The following ARHGAP5 variants were observed in gnomAD, a reference collection of about 807,000 sequenced individuals.
ARHGAP5 encodes the protein rho GTPase-activating protein 5.
In ARHGAP5, 23 loss-of-function variants were observed where a neutral mutation model predicts 116.6. The ratio of observed to expected loss-of-function variants is 0.20; its 90% CI spans 0.14 to 0.28. The LOEUF is 0.28. Among genes scored for constraint, ARHGAP5 ranks in the 10% least tolerant of loss-of-function variants. The probability of loss-of-function intolerance (pLI) is 1.00; values close to 1 mark genes in which losing one functional copy is unlikely to be tolerated. For synonymous variants in ARHGAP5, 574 were observed against 602.0 expected, an observed-to-expected ratio of 0.95 and a Z score of 0.68; for missense variants, 1,405 against 1,774.8, an observed-to-expected ratio of 0.79 and a Z score of 3.74.
At chr14:32,116,148 G>A (rs1043338261) in intron 2 of ARHGAP5, among the ~76,000 whole-genome samples, 8 of 151,144 alleles carry the variant, frequency 5.3e-5, no homozygotes, top group East Asian at 2.0e-4. Flanking sequence ...TTAGCTGGGC[G>A]TGGTGGCGGG....
At chr14:32,145,756 T>C (rs1008056198) in intron 3 of ARHGAP5, among the ~76,000 whole-genome samples, 1 of 152,174 alleles carries the variant, frequency 6.6e-6, no homozygotes, top group Admixed American at 6.5e-5. Context: ...AATAAGTCTA[T>C]TCATTTTGTC....
At chr14:32,124,422 T>C (rs540427483) in intron 3 of ARHGAP5, among the ~76,000 whole-genome samples, 65 of 152,296 alleles carry the variant, frequency 4.3e-4, no homozygotes, top group African/African-American at 1.5e-3. Context: ...TAAGTTGTGC[T>C]AGGTTCCAGT....
intron 5 of ARHGAP5, among the ~76,000 whole-genome samples, chr14:32,150,436 A>G (rs980211857): frequency 6.6e-6 from 1 of 152,224 alleles, no homozygotes; most frequent in African/African-American, 2.4e-5. Context: ...TGCATAATTT[A>G]TAAAGTAATT....
chr14:32,116,524 C>T (rs1879604966), intron 2 of ARHGAP5, among the ~76,000 whole-genome samples: 1 of 151,958 alleles, frequency 6.6e-6, no homozygotes, highest in African/African-American at 2.4e-5. Flanking sequence ...ACCCGGGAGG[C>T]GGAGCTTGCA....
intron 2 of ARHGAP5, among the ~76,000 whole-genome samples, chr14:32,116,116 G>A (rs1173832689): frequency 2.1e-5 from 3 of 144,564 alleles, no homozygotes; most frequent in Admixed American, 7.0e-5. Flanking sequence ...TGAAACCCCC[G>A]TCTCTACTAA....
chr14:32,093,431 T>C lies in ARHGAP5; in HGVS notation c.2762T>C (p.Leu921Ser). 1 of 1,613,918 alleles carries C rather than the reference T, an allele frequency of 6.2e-7. No individual in the cohort carries two copies. The highest frequency in any genetic ancestry group is 1.7e-4 in the Middle Eastern group (1 of 6,060). ...GCTAAATTTACAGCACTGTATTCTT[T>C]ATCTCAGTATCATCGGCAAACTGAG... ...ITAKFTALYS[L>S]SQYHRQTEVF... Residue 921 changes from leucine (L) to serine (S), a missense_variant, in exon 2 of 7, where the codon TTA becomes TCA. By Grantham distance (145) the Leu-to-Ser change is moderately radical. Transcript: ENST00000345122.
chr14:32,128,104 C>G (rs1402039499), intron 3 of ARHGAP5, among the ~76,000 whole-genome samples: 1 of 151,024 alleles, frequency 6.6e-6, no homozygotes, highest in Non-Finnish European at 1.5e-5. Context: ...GGCAGAGTCG[C>G]TCCCCACATC....
Position 32,155,219 on chromosome 14 carries a change from ATCAT to A in ARHGAP5, c.*274_*277del, listed in dbSNP as rs1471507642. 5 of 303,240 alleles carry A rather than the reference ATCAT, an allele frequency of 1.6e-5. No homozygotes were observed. The highest frequency in any genetic ancestry group is 3.1e-5 in the Non-Finnish European group (5 of 163,600). The allele number at this position is 303,240 out of a possible 1,614,324, so 18.8% of individuals were successfully genotyped here. A position where few individuals can be genotyped will look rare whatever the true frequency, so the allele number is the denominator to read the frequency against. ...CATGCAACCTTATTGCAATCAGTAT[ATCAT>A]TCCTGTGGCAATTTCTGTCACCTTA... On this transcript the variant is annotated 3_prime_UTR_variant, in exon 7 of 7. Transcript: ENST00000345122.
chr14:32,104,487 A>G (rs1402762774), intron 2 of ARHGAP5, among the ~76,000 whole-genome samples: 3 of 152,088 alleles, frequency 2.0e-5, no homozygotes, highest in Non-Finnish European at 2.9e-5. Context: ...AGTCTTCACA[A>G]TGTAAGTTTT....
In ARHGAP5 at chr14:32,079,163, T is replaced by C. The variant is rs531576935; in HGVS notation, c.-169+1728T>C. On this transcript the variant is annotated intron_variant, in intron 1 of 6. Coordinates refer to ENST00000345122, the MANE Select transcript of ARHGAP5 (RefSeq NM_001030055.2). Reference sequence around the variant, plus strand: ...AACTTTCAAGAAATAGCACTATTGATCTAATTGACTTAAAGCAGAATCAGA... The same window carrying C: ...AACTTTCAAGAAATAGCACTATTGACCTAATTGACTTAAAGCAGAATCAGA... Among the ~76,000 whole-genome samples the C allele has an allele frequency of 8.6e-4, 131 of 152,348 alleles. 1 individual carries two copies. The highest frequency in any genetic ancestry group is 3.0e-3 in the African/African-American group (125 of 41,582).
At chr14:32,110,952 G>A (rs1414940430) in intron 2 of ARHGAP5, among the ~76,000 whole-genome samples, 4 of 152,190 alleles carry the variant, frequency 2.6e-5, no homozygotes, top group Non-Finnish European at 5.9e-5. Context: ...TACATTTTAA[G>A]GAAAGCATGA....
chr14:32,146,435 T>A, intron 4 of ARHGAP5, 95 bp downstream of exon 4: 1 of 883,596 alleles, frequency 1.1e-6, no homozygotes, highest in Non-Finnish European at 1.8e-6. Context: ...GAAAACTTCC[T>A]AAGGATATGG....
At position 32,156,612 on chromosome 14, in the gene ARHGAP5, TAAGA is replaced by T. The variant is rs1244698638; in HGVS notation, c.*1668_*1671del. The T allele has an allele frequency of 6.6e-6, 1 of 152,314 alleles. No individual in the cohort carries two copies. The highest frequency in any genetic ancestry group is 2.4e-5 in the African/African-American group (1 of 41,436). 9.4% of individuals were successfully genotyped at this position (152,314 alleles called of 1,614,324 possible). Reference sequence around the variant, plus strand: ...TTCCTATTGCAAAGCACACAGGAATTAAGAAAGTACAGTAATTTTTAAAAAAAAA... The same window carrying T: ...TTCCTATTGCAAAGCACACAGGAATTAAGTACAGTAATTTTTAAAAAAAAA... On this transcript the variant is annotated 3_prime_UTR_variant, in exon 7 of 7. Transcript: ENST00000345122.
At chr14:32,112,064 G>A (rs908091188) in intron 2 of ARHGAP5, among the ~76,000 whole-genome samples, 2 of 151,904 alleles carry the variant, frequency 1.3e-5, no homozygotes, top group African/African-American at 4.8e-5. Flanking sequence ...CGATCCGCCC[G>A]TTTCGGCCTC....
intron 6 of ARHGAP5, 77 bp downstream of exon 6, chr14:32,152,605 A>G (rs1024424622): frequency 7.7e-6 from 6 of 782,230 alleles, no homozygotes; most frequent in Non-Finnish European, 8.1e-6. Context: ...TATAAATTGG[A>G]TAATTATCAG....
intron 4 of ARHGAP5, among the ~76,000 whole-genome samples, chr14:32,147,358 A>G (rs1030529090): frequency 6.6e-6 from 1 of 152,246 alleles, no homozygotes; most frequent in Non-Finnish European, 1.5e-5. Context: ...ACCTAGCTTA[A>G]GTAATTCACA....
chr14:32,118,299 C>T (rs1429703581), intron 3 of ARHGAP5, among the ~76,000 whole-genome samples: 1 of 151,988 alleles, frequency 6.6e-6, no homozygotes, highest in Non-Finnish European at 1.5e-5. Flanking sequence ...GAGATCAAGA[C>T]CATCCTGGCC....
In ARHGAP5 at chr14:32,136,900, T is replaced by A. The variant is rs180954509; in HGVS notation, c.3866-9363T>A. ...CATTTGTGTACCTTCTTTGGAGAAA[T>A]TTTTTTTTTTAAGTCTTTGGCCTTT... is the stretch of plus-strand genomic sequence containing the variant. On this transcript the variant is annotated intron_variant, in intron 3 of 6. Coordinates refer to ENST00000345122, the MANE Select transcript of ARHGAP5 (RefSeq NM_001030055.2). Among the ~76,000 whole-genome samples the A allele has an allele frequency of 2.7e-5, 4 of 147,536 alleles. No individual in the cohort carries two copies. In the East Asian group the frequency reaches 7.9e-4, roughly 29 times the overall value.
chr14:32,082,118 C>T (rs1374111892), intron 1 of ARHGAP5, among the ~76,000 whole-genome samples: 1 of 152,144 alleles, frequency 6.6e-6, no homozygotes, highest in Non-Finnish European at 1.5e-5. Flanking sequence ...TTCCAGGCCA[C>T]CCCTCACCTC....
Sources: allele counts gnomAD v4.1 joint callset (sites outside exome capture counted in the v4.1 genomes callset), GRCh38; gene constraint gnomAD v4.1.1; transcripts MANE v1.5; gene names NCBI Gene and HGNC (gene_info 2026-07-23, HGNC 2026-07-21).